The following FHIT variants were observed in gnomAD, a reference collection of about 807,000 sequenced individuals.
FHIT encodes the protein fragile histidine triad diadenosine triphosphatase.
Under a neutral mutation model 17.9 loss-of-function variants are expected in FHIT, and 19 were observed. The observed-to-expected ratio is 1.06, with a 90% CI of 0.74 to 1.56. The LOEUF (loss-of-function observed/expected upper bound fraction) is 1.56. Among genes scored for constraint, FHIT ranks in the 40% most tolerant of loss-of-function variants. The pLI is 0.00. For synonymous variants in FHIT, 81 were observed against 69.7 expected (o/e 1.16, Z -0.81); for missense variants, 248 against 189.2 (o/e 1.31, Z -1.82).
chr3:60,334,699 AT>A (rs1253255209), intron 5 of FHIT, among the ~76,000 whole-genome samples: 3 of 152,220 alleles, frequency 2.0e-5, no homozygotes, highest in Non-Finnish European at 4.4e-5. Context: ...AGAAAGGAAA[AT>A]TGCTTAAACC....
chr3:60,584,739 G>A (rs2037852950), intron 4 of FHIT, among the ~76,000 whole-genome samples: 1 of 152,002 alleles, frequency 6.6e-6, no homozygotes, highest in African/African-American at 2.4e-5. Flanking sequence ...TCCAAGAGGT[G>A]CCATTTTCAC....
intron 1 of FHIT, among the ~76,000 whole-genome samples, chr3:61,209,019 G>C (rs939814211): frequency 2.6e-5 from 4 of 152,036 alleles, no homozygotes; most frequent in South Asian, 4.2e-4. Context: ...CTGGTGGTGA[G>C]AAAATCTCTC....
chr3:59,919,447 A>T (rs986596671), intron 8 of FHIT, among the ~76,000 whole-genome samples: 6 of 152,178 alleles, frequency 3.9e-5, no homozygotes, highest in African/African-American at 1.4e-4. Flanking sequence ...AGATATTTGG[A>T]AACAGTGACT....
intron 8 of FHIT, among the ~76,000 whole-genome samples, chr3:59,895,563 C>T (rs1399363690): frequency 6.6e-6 from 1 of 152,170 alleles, no homozygotes; most frequent in Non-Finnish European, 1.5e-5. Context: ...CCCTATCTTC[C>T]CTAGAGAAGT....
intron 5 of FHIT, among the ~76,000 whole-genome samples, chr3:60,259,384 T>A (rs1374546391): frequency 6.6e-6 from 1 of 152,132 alleles, no homozygotes; most frequent in Non-Finnish European, 1.5e-5. Context: ...ATTAAAACTT[T>A]GAAATCCAAA....
intron 8 of FHIT, among the ~76,000 whole-genome samples, chr3:59,830,175 T>C (rs1184865515): frequency 6.6e-6 from 1 of 152,230 alleles, no homozygotes; most frequent in African/African-American, 2.4e-5. Flanking sequence ...CTTAGTTTAC[T>C]GTGACAATTT....
At chr3:60,113,042 G>T (rs1257494579) in intron 5 of FHIT, among the ~76,000 whole-genome samples, 1 of 152,164 alleles carries the variant, frequency 6.6e-6, no homozygotes, top group Non-Finnish European at 1.5e-5. Flanking sequence ...TCTAATCATT[G>T]AGGGCTTTCC....
chr3:60,313,673 G>C (rs1709045021), intron 5 of FHIT, among the ~76,000 whole-genome samples: 1 of 152,092 alleles, frequency 6.6e-6, no homozygotes, highest in South Asian at 2.1e-4. Context: ...AAAATATGGT[G>C]ATATGAAATG....
intron 5 of FHIT, among the ~76,000 whole-genome samples, chr3:60,190,146 C>G (rs906359472): frequency 1.3e-5 from 2 of 152,132 alleles, no homozygotes; most frequent in East Asian, 1.9e-4. Context: ...CAATCTTAAA[C>G]AGACCTGCAA....
chr3:60,690,259 T>C, intron 4 of FHIT: 1 of 544,268 alleles, frequency 1.8e-6, no homozygotes, highest in East Asian at 4.6e-5. Flanking sequence ...AGTGACCTTC[T>C]TGCTAGTCTT....
intron 4 of FHIT, among the ~76,000 whole-genome samples, chr3:60,750,772 C>A (rs2042450216): frequency 6.6e-6 from 1 of 152,212 alleles, no homozygotes; most frequent in South Asian, 2.1e-4. Context: ...CCCAGCCAAA[C>A]AACCCTCCCT....
At chr3:60,285,177 A>G (rs1312989515) in intron 5 of FHIT, among the ~76,000 whole-genome samples, 1 of 152,134 alleles carries the variant, frequency 6.6e-6, no homozygotes, top group Admixed American at 6.6e-5. Context: ...AAATGTTGGT[A>G]TATATTTATT....
intron 7 of FHIT, among the ~76,000 whole-genome samples, chr3:59,939,526 G>C (rs1018572889): frequency 6.6e-6 from 1 of 152,134 alleles, no homozygotes; most frequent in African/African-American, 2.4e-5. Context: ...GAGGTGAATA[G>C]TTTATAATGA....
At chr3:60,166,938 A>G (rs992720871) in intron 5 of FHIT, among the ~76,000 whole-genome samples, 4 of 152,182 alleles carry the variant, frequency 2.6e-5, no homozygotes, top group Non-Finnish European at 1.5e-5. Context: ...GACCTTATCC[A>G]TGTGGCTGAC....
intron 4 of FHIT, among the ~76,000 whole-genome samples, chr3:60,799,081 T>C (rs1220952309): frequency 2.6e-5 from 4 of 152,210 alleles, no homozygotes; most frequent in African/African-American, 9.6e-5. Context: ...ACATAACAAA[T>C]TAATATGTTA....
intron 3 of FHIT, among the ~76,000 whole-genome samples, chr3:61,037,326 A>C (rs770274005): frequency 6.6e-6 from 1 of 152,020 alleles, no homozygotes; most frequent in Non-Finnish European, 1.5e-5. Context: ...CCACCCAGGG[A>C]GTGTCGCTTA....
chr3:60,078,195 T>C (rs1703117370), intron 5 of FHIT, among the ~76,000 whole-genome samples: 1 of 152,120 alleles, frequency 6.6e-6, no homozygotes, highest in Non-Finnish European at 1.5e-5. Flanking sequence ...TATATTCCTA[T>C]AAGATACTTA....
chr3:60,257,651 G>T (rs1378391991), intron 5 of FHIT, among the ~76,000 whole-genome samples: 4 of 152,164 alleles, frequency 2.6e-5, no homozygotes, highest in African/African-American at 9.7e-5. Context: ...TGGAGGTAAA[G>T]TAGACTGCTA....
intron 3 of FHIT, among the ~76,000 whole-genome samples, chr3:60,870,821 C>T (rs1176976681): frequency 4.6e-5 from 7 of 151,982 alleles, no homozygotes; most frequent in East Asian, 1.9e-4. Flanking sequence ...AATGTAATTC[C>T]GTCTTGAAGA....
Sources: allele counts gnomAD v4.1 joint callset (sites outside exome capture counted in the v4.1 genomes callset), GRCh38; gene constraint gnomAD v4.1.1; transcripts MANE v1.5; gene names NCBI Gene and HGNC (gene_info 2026-07-23, HGNC 2026-07-21).